The following RGS6 variants were observed in gnomAD, a reference collection of about 807,000 sequenced individuals.
RGS6 encodes regulator of G protein signaling 6.
A neutral mutation model predicts 78.5 loss-of-function variants in RGS6; 30 were observed. The observed-to-expected ratio is 0.38, with a 90% CI of 0.29 to 0.52. RGS6 has a LOEUF of 0.52. Among genes scored for constraint, RGS6 ranks in the 20% least tolerant of loss-of-function variants. The pLI, the probability that RGS6 is intolerant of heterozygous loss-of-function variation, is 0.85. For missense variants in RGS6, 495 were observed against 609.7 expected, an observed-to-expected ratio of 0.81 and a Z score of 1.98; for synonymous variants, 206 against 206.0, an observed-to-expected ratio of 1.00 and a Z score of 0.00.
At chr14:72,093,390 A>C (rs1343191938) in intron 2 of RGS6, among the ~76,000 whole-genome samples, 1 of 151,990 alleles carries the variant, frequency 6.6e-6, no homozygotes. Context: ...CTAAAGGTGC[A>C]TGCCACCACG....
chr14:72,573,905 A>G, the RGS6 span, among the ~76,000 whole-genome samples: 1 of 152,348 alleles, frequency 6.6e-6, no homozygotes, highest in South Asian at 2.1e-4. Flanking sequence ...GCTCCTATTC[A>G]TGCAAGACTT....
the RGS6 span, among the ~76,000 whole-genome samples, chr14:72,624,769 C>A: frequency 6.6e-6 from 1 of 152,168 alleles, no homozygotes; most frequent in African/African-American, 2.4e-5. Flanking sequence ...TTGACACTTT[C>A]AAAAAATCCA....
At chr14:72,359,678 G>A (rs2081086682) in intron 3 of RGS6, among the ~76,000 whole-genome samples, 1 of 152,174 alleles carries the variant, frequency 6.6e-6, no homozygotes, top group Admixed American at 6.5e-5. Flanking sequence ...TAAGAAAACA[G>A]CAAAAGAAAT....
intron 2 of RGS6, among the ~76,000 whole-genome samples, chr14:72,306,307 G>A (rs1463768975): frequency 6.6e-6 from 1 of 152,202 alleles, no homozygotes; most frequent in Non-Finnish European, 1.5e-5. Context: ...GCCTTATGAA[G>A]ATGTACAAGA....
At chr14:72,413,037 A>G (rs1334626833) in intron 3 of RGS6, among the ~76,000 whole-genome samples, 2 of 152,328 alleles carry the variant, frequency 1.3e-5, no homozygotes, top group East Asian at 1.9e-4. Context: ...AAAAGAATGT[A>G]TATTCTGTTG....
Position 72,536,283 on chromosome 14 carries a change from T to C in RGS6, c.1368+8T>C, listed in dbSNP as rs1274945729. The C allele has an allele frequency of 1.2e-6, 2 of 1,611,300 alleles. No individual in the cohort carries two copies. The highest frequency in any genetic ancestry group is 2.2e-5 in the East Asian group (1 of 44,838). ...CTGCTGGCCAAGAAGAAGGTATCTTTGGGAAGGGCAGGCTTGCTCTTAGCA... is the reference window on the plus strand; with the variant it reads ...CTGCTGGCCAAGAAGAAGGTATCTTCGGGAAGGGCAGGCTTGCTCTTAGCA... On this transcript the variant is annotated splice_region_variant and intron_variant, in intron 16 of 17. Coordinates refer to ENST00000553525, the MANE Select transcript of RGS6 (RefSeq NM_001204424.2).
At chr14:72,143,269 AG>A (rs1260327690) in intron 2 of RGS6, among the ~76,000 whole-genome samples, 9 of 152,080 alleles carry the variant, frequency 5.9e-5, no homozygotes, top group African/African-American at 2.2e-4. Context: ...GCTGCTCGGG[AG>A]GCTGATGCAG....
intron 1 of RGS6, among the ~76,000 whole-genome samples, chr14:71,944,466 C>A (rs562271001): frequency 6.6e-6 from 1 of 152,140 alleles, no homozygotes; most frequent in South Asian, 2.1e-4. Flanking sequence ...GAGACCCTAC[C>A]CTTGAGATCA....
intron 2 of RGS6, among the ~76,000 whole-genome samples, chr14:72,035,095 CAT>C (rs1444584981): frequency 6.6e-6 from 1 of 152,072 alleles, no homozygotes; most frequent in Admixed American, 6.6e-5. Flanking sequence ...AAATACATGG[CAT>C]ATAGAGGGCT....
chr14:72,135,164 C>T (rs2096411697), intron 2 of RGS6, among the ~76,000 whole-genome samples: 1 of 152,136 alleles, frequency 6.6e-6, no homozygotes, highest in African/African-American at 2.4e-5. Context: ...AGTATCTTAT[C>T]CCTTGAGTTT....
At chr14:72,238,288 A>G (rs847270) in intron 2 of RGS6, among the ~76,000 whole-genome samples, 50,606 of 151,994 alleles carry the variant, frequency 0.33, 9,286 homozygotes, top group South Asian at 0.46. Flanking sequence ...GGGAGCGGGT[A>G]GGCCAAAAAG....
At chr14:72,555,271 C>A (rs1355402349) in intron 17 of RGS6, among the ~76,000 whole-genome samples, 2 of 152,182 alleles carry the variant, frequency 1.3e-5, no homozygotes, top group African/African-American at 4.8e-5. Context: ...GGTGGGTTCA[C>A]CCAGCCTGTC....
At chr14:72,189,978 C>A (rs1310669304) in intron 2 of RGS6, among the ~76,000 whole-genome samples, 1 of 152,130 alleles carries the variant, frequency 6.6e-6, no homozygotes, top group Non-Finnish European at 1.5e-5. Flanking sequence ...AGTTCTCTCA[C>A]CCCCTGCAAA....
At chr14:71,985,531 T>C (rs111476326) in intron 2 of RGS6, among the ~76,000 whole-genome samples, 5 of 152,246 alleles carry the variant, frequency 3.3e-5, no homozygotes, top group African/African-American at 1.2e-4. Flanking sequence ...TCAAAATGCA[T>C]GACCTGTGTT....
chr14:72,498,303 G>T (rs1365346887), intron 13 of RGS6, among the ~76,000 whole-genome samples: 1 of 152,000 alleles, frequency 6.6e-6, no homozygotes, highest in Non-Finnish European at 1.5e-5. Context: ...TTTATTCGGG[G>T]TTATTCATTA....
At chr14:72,477,809 GAAA>G (rs1046338338) in intron 11 of RGS6, among the ~76,000 whole-genome samples, 1 of 135,874 alleles carries the variant, frequency 7.4e-6, no homozygotes, top group African/African-American at 2.6e-5. Flanking sequence ...AAAAAAAAAA[GAAA>G]AAAAGAAAAA....
the RGS6 span, among the ~76,000 whole-genome samples, chr14:72,596,669 T>C: frequency 2.0e-5 from 3 of 152,188 alleles, no homozygotes; most frequent in African/African-American, 7.2e-5. Context: ...TTAGAGGGTT[T>C]CAGGCACAGG....
chr14:72,497,679 T>C (rs1406980582), intron 13 of RGS6, among the ~76,000 whole-genome samples: 1 of 152,176 alleles, frequency 6.6e-6, no homozygotes, highest in Non-Finnish European at 1.5e-5. Flanking sequence ...TAACTTGATA[T>C]ATTTTAAACC....
At position 71,973,370 on chromosome 14, in the gene RGS6, C is replaced by CTT. The variant is rs35957548; in HGVS notation, c.84+8507_84+8508dup. Among the ~76,000 whole-genome samples the CTT allele has an allele frequency of 7.1e-4, 103 of 144,724 alleles. 1 individual carries two copies. Among genetic ancestry groups the CTT allele is most frequent in the African/African-American group, 1.6e-3 (65 of 39,494 alleles). 94.9% of individuals were successfully genotyped at this position (144,724 alleles called of 152,430 possible). On this transcript the variant is annotated intron_variant, in intron 2 of 17. Transcript: ENST00000553525. The stretch of plus-strand genomic sequence containing the variant: ...CACTTAGGGCTTGTTTTTTTTCACT[C>CTT]TTTTTTTTTTTTTAACATTAAATAA...
Sources: gnomAD v4.1 joint callset for allele counts (sites outside exome capture counted in the v4.1 genomes callset) on GRCh38, gnomAD v4.1.1 for gene constraint, MANE v1.5 for transcripts, NCBI Gene and HGNC (gene_info 2026-07-23, HGNC 2026-07-21) for gene names.